Variants in SBF2 observed in about 807,000 individuals in gnomAD.
The protein encoded by SBF2 is SET binding factor 2, also known as myotubularin-related protein 13.
In SBF2, 112 loss-of-function variants were observed where a neutral mutation model predicts 225.2. The observed-to-expected ratio is 0.50, with a 90% CI of 0.43 to 0.58. The LOEUF (loss-of-function observed/expected upper bound fraction) is 0.58, where lower values mean the gene tolerates loss of function less well. Ranked by LOEUF, SBF2 falls within the 20% of genes least tolerant of loss-of-function variation. The probability of loss-of-function intolerance (pLI) is 0.00; values close to 1 mark genes in which losing one functional copy is unlikely to be tolerated. For missense variants in SBF2, 1,996 were observed against 2,206.2 expected (o/e 0.90, Z 1.91); for synonymous variants, 763 against 773.3 (o/e 0.99, Z 0.22).
chr11:9,901,281 A>G (rs1795397807), intron 16 of SBF2, among the ~76,000 whole-genome samples: 1 of 152,234 alleles, frequency 6.6e-6, no homozygotes, highest in Non-Finnish European at 1.5e-5. Context: ...AGCAAATTTT[A>G]GTATTAGTTG....
chr11:10,179,814 C>T (rs1212103508), intron 2 of SBF2, among the ~76,000 whole-genome samples: 1 of 151,948 alleles, frequency 6.6e-6, no homozygotes, highest in Admixed American at 6.6e-5. Flanking sequence ...AGGTAATTTT[C>T]TCTGGTGGTA....
intron 2 of SBF2, among the ~76,000 whole-genome samples, chr11:10,054,851 G>C (rs1208662608): frequency 1.3e-5 from 2 of 151,636 alleles, no homozygotes; most frequent in African/African-American, 2.4e-5. Flanking sequence ...AAACCACAAC[G>C]AGATACCACC....
At chr11:9,907,678 T>C (rs948783989) in intron 16 of SBF2, among the ~76,000 whole-genome samples, 1 of 152,184 alleles carries the variant, frequency 6.6e-6, no homozygotes, top group African/African-American at 2.4e-5. Flanking sequence ...TCAAGCTTTA[T>C]TTTAAGTTAT....
intron 17 of SBF2, among the ~76,000 whole-genome samples, chr11:9,869,143 A>G (rs1858500289): frequency 6.6e-6 from 1 of 152,202 alleles, no homozygotes; most frequent in Non-Finnish European, 1.5e-5. Context: ...TTTTAAAAGC[A>G]ATAAGTTGTT....
At chr11:9,802,529 C>T (rs1221479569) in intron 32 of SBF2, among the ~76,000 whole-genome samples, 1 of 152,170 alleles carries the variant, frequency 6.6e-6, no homozygotes, top group East Asian at 1.9e-4. Context: ...GGAACACATT[C>T]CATCTGGGAA....
intron 6 of SBF2, among the ~76,000 whole-genome samples, chr11:10,024,406 C>T (rs960737892): frequency 2.6e-5 from 4 of 152,162 alleles, no homozygotes; most frequent in African/African-American, 9.7e-5. Context: ...AATAAGAGGT[C>T]TAATTCATTC....
intron 1 of SBF2, among the ~76,000 whole-genome samples, chr11:10,238,089 A>G (rs1402458788): frequency 6.6e-6 from 1 of 152,216 alleles, no homozygotes; most frequent in Non-Finnish European, 1.5e-5. Context: ...GTACAAGAAT[A>G]TAGAAAGAAT....
rs896725715 is a variant in SBF2, at chr11:10,286,516, C to T, written c.55+7499G>A. ...CTGGGATTACAGGTGCACGCCACCACACTCAGCTAATTTTTGTATTTTTAG... is the reference window on the plus strand; with the variant it reads ...CTGGGATTACAGGTGCACGCCACCATACTCAGCTAATTTTTGTATTTTTAG... On this transcript the variant is annotated intron_variant, in intron 1 of 39. Coordinates refer to ENST00000256190, the MANE Select transcript of SBF2 (RefSeq NM_030962.4). 2.0e-5 allele frequency among the ~76,000 whole-genome samples: 3 copies of T among 152,142 alleles called. No homozygotes were observed. The East Asian group carries it at 5.8e-4, about 29-fold the overall frequency.
At chr11:10,283,427 A>G (rs1318675938) in intron 1 of SBF2, among the ~76,000 whole-genome samples, 1 of 152,192 alleles carries the variant, frequency 6.6e-6, no homozygotes. Context: ...TTATACATAA[A>G]TTTACATTCT....
intron 1 of SBF2, among the ~76,000 whole-genome samples, chr11:10,300,165 C>A (rs202007645): frequency 1.3e-5 from 2 of 152,182 alleles, no homozygotes; most frequent in Admixed American, 6.5e-5. Context: ...AGTTTATAAT[C>A]ATGTAAATAC....
At chr11:9,837,501 G>A (rs939950202) in intron 26 of SBF2, among the ~76,000 whole-genome samples, 5 of 152,210 alleles carry the variant, frequency 3.3e-5, no homozygotes, top group Non-Finnish European at 5.9e-5. Flanking sequence ...ATTTTCAGAT[G>A]TGAAACCAGT....
chr11:10,122,490 CTT>C (rs1251400492), intron 2 of SBF2, among the ~76,000 whole-genome samples: 1 of 152,164 alleles, frequency 6.6e-6, no homozygotes, highest in Non-Finnish European at 1.5e-5. Flanking sequence ...AATTATGAGA[CTT>C]TTCCAACATC....
At chr11:10,073,117 G>A (rs1565198862) in intron 2 of SBF2, among the ~76,000 whole-genome samples, 1 of 151,862 alleles carries the variant, frequency 6.6e-6, no homozygotes, top group Non-Finnish European at 1.5e-5. Context: ...TCTGAGTAAT[G>A]GGATGTATTG....
intron 17 of SBF2, among the ~76,000 whole-genome samples, chr11:9,893,992 T>C (rs1861042307): frequency 6.6e-6 from 1 of 152,208 alleles, no homozygotes; most frequent in East Asian, 1.9e-4. Context: ...ACCACTGTAA[T>C]CGCAGCACTT....
chr11:10,084,857 C>T (rs978604674), intron 2 of SBF2, among the ~76,000 whole-genome samples: 6 of 152,170 alleles, frequency 3.9e-5, no homozygotes, highest in Admixed American at 1.3e-4. Flanking sequence ...CATGTTCTCA[C>T]TTACAAGTGG....
intron 1 of SBF2, among the ~76,000 whole-genome samples, chr11:10,209,531 G>A (rs903267766): frequency 2.0e-4 from 31 of 152,002 alleles, no homozygotes; most frequent in African/African-American, 6.3e-4. Flanking sequence ...TTTCCTTAAC[G>A]TTTCACTCTC....
chr11:10,065,924 G>A (rs995726269), intron 2 of SBF2, among the ~76,000 whole-genome samples: 2 of 152,092 alleles, frequency 1.3e-5, no homozygotes, highest in South Asian at 2.1e-4. Context: ...TCCAGCCTGG[G>A]CAAGAAGAAC....
chr11:10,092,252 T>G (rs946707344), intron 2 of SBF2, among the ~76,000 whole-genome samples: 11 of 152,284 alleles, frequency 7.2e-5, no homozygotes, highest in South Asian at 2.1e-4. Context: ...CATTTGGCAA[T>G]CAAAATGATT....
chr11:9,882,686 A>G (rs1219137729), intron 17 of SBF2, among the ~76,000 whole-genome samples: 1 of 151,188 alleles, frequency 6.6e-6, no homozygotes, highest in Non-Finnish European at 1.5e-5. Flanking sequence ...AGGCGCCTGT[A>G]ATCCCAGCTA....
Sources: gnomAD v4.1 joint callset for allele counts (sites outside exome capture counted in the v4.1 genomes callset) on GRCh38, gnomAD v4.1.1 for gene constraint, MANE v1.5 for transcripts, NCBI Gene and HGNC (gene_info 2026-07-23, HGNC 2026-07-21) for gene names.